The following SCRN3 variants were observed in gnomAD, a reference collection of about 807,000 sequenced individuals.
The protein encoded by SCRN3 is secernin 3, also known as secernin-3.
Under a neutral mutation model 43.1 loss-of-function variants are expected in SCRN3, and 39 were observed. The observed-to-expected ratio is 0.91, with a 90% confidence interval of 0.70 to 1.18. SCRN3 has a LOEUF of 1.18. Ranked by LOEUF, SCRN3 falls within the 50% of genes most tolerant of loss-of-function variation. SCRN3 has a pLI of 0.00. For synonymous variants in SCRN3, 147 were observed against 163.1 expected, an observed-to-expected ratio of 0.90 and a Z score of 0.75; for missense variants, 484 against 498.0, an observed-to-expected ratio of 0.97 and a Z score of 0.27.
chr2:174,426,855 CAG>C (rs1686501071), intron 7 of SCRN3, among the ~76,000 whole-genome samples: 1 of 151,968 alleles, frequency 6.6e-6, no homozygotes, highest in African/African-American at 2.4e-5. Context: ...TATTTTGAGA[CAG>C]AGTCTCACTC....
chr2:174,396,272 G>C, intron 1 of SCRN3: 6 of 992,148 alleles, frequency 6.0e-6, no homozygotes, highest in Non-Finnish European at 7.2e-6. Flanking sequence ...CTTATTGAAT[G>C]ACGAATACGC....
intron 7 of SCRN3, 37 bp from the exon 8 acceptor site, chr2:174,427,676 T>C: frequency 1.5e-6 from 2 of 1,339,242 alleles, no homozygotes; most frequent in South Asian, 1.4e-5. Context: ...TATGTGTATA[T>C]GTATATGTGT....
rs571563885 is a variant in SCRN3, at chr2:174,428,223, G to T, written c.*328G>T. On this transcript the variant is annotated 3_prime_UTR_variant, in exon 8 of 8. Transcript: ENST00000272732. ...ATAAAGAGTGAAACATTAAAATGAC[G>T]CATGGATTTATATTTATTATAATTA... 2 of 160,598 alleles carry T rather than the reference G, an allele frequency of 1.2e-5. No homozygotes were observed. The highest frequency in any genetic ancestry group is 1.7e-4 in the East Asian group (1 of 5,756). The allele number at this position is 160,598 out of a possible 1,614,324, so 9.9% of individuals were successfully genotyped here.
rs41270195 is a variant in SCRN3, at chr2:174,424,531, G to T, written c.974G>T (p.Ser325Ile). 0.039 allele frequency: 63,096 copies of T among 1,612,810 alleles called. 1,429 individuals carry two copies. Among genetic ancestry groups the T allele is most frequent in the Non-Finnish European group, 0.047 (55,302 of 1,179,154 alleles). ...CATATTTCACAACTATTGGATACCAGTTCACCAACATTTGAACTTGAAGAT... is the reference window on the plus strand; with the variant it reads ...CATATTTCACAACTATTGGATACCATTTCACCAACATTTGAACTTGAAGAT... ...VPHISQLLDT[S>I]SPTFELEDLV... Residue 325 changes from serine (S) to isoleucine (I), a missense_variant, in exon 7 of 8, where the codon AGT becomes ATT. Physicochemically the swap from Ser to Ile is moderately radical, Grantham distance 142. Coordinates refer to ENST00000272732, the MANE Select transcript of SCRN3 (RefSeq NM_024583.5).
intron 5 of SCRN3, 62 bp from the exon 6 acceptor site, chr2:174,422,823 C>A: frequency 9.7e-7 from 1 of 1,026,326 alleles, no homozygotes; most frequent in Non-Finnish European, 1.4e-6. Context: ...GAAAGCAGTT[C>A]ATATTTGCAA....
At chr2:174,406,449 T>C (rs1685696837) in intron 5 of SCRN3, among the ~76,000 whole-genome samples, 1 of 138,478 alleles carries the variant, frequency 7.2e-6, no homozygotes, top group Admixed American at 7.2e-5. Flanking sequence ...ATACCCTTTA[T>C]TTCCTTCTCC....
At chr2:174,406,723 G>C (rs1306559072) in intron 5 of SCRN3, among the ~76,000 whole-genome samples, 2 of 137,434 alleles carry the variant, frequency 1.5e-5, no homozygotes, top group African/African-American at 2.5e-5. Flanking sequence ...TAATCATGTG[G>C]TTTTTGTCTT....
chr2:174,397,955 A>G (rs764174340), intron 1 of SCRN3, among the ~76,000 whole-genome samples: 4 of 152,116 alleles, frequency 2.6e-5, no homozygotes, highest in Non-Finnish European at 5.9e-5. Context: ...AGGCTGTAGT[A>G]TACAAAATTT....
In SCRN3 at chr2:174,406,744, T is replaced by C. The variant is rs945659705; in HGVS notation, c.754+2429T>C. Among the ~76,000 whole-genome samples, 46 of 136,188 alleles carry C rather than the reference T, an allele frequency of 3.4e-4. 3 individuals carry two copies. The highest frequency in any genetic ancestry group is 5.8e-4 in the Non-Finnish European group (35 of 59,904). The allele number at this position is 136,188 out of a possible 152,430, so 89.3% of individuals were successfully genotyped here. On this transcript the variant is annotated intron_variant, in intron 5 of 7. Coordinates refer to ENST00000272732, the MANE Select transcript of SCRN3 (RefSeq NM_024583.5). ...TGTGGTTTTTGTCTTTGGCTCTGTT[T>C]ATATGCTGGATTACATTTATTGATT... is the stretch of plus-strand genomic sequence containing the variant.
At chr2:174,420,840 C>T (rs1686269015) in intron 5 of SCRN3, among the ~76,000 whole-genome samples, 1 of 152,128 alleles carries the variant, frequency 6.6e-6, no homozygotes, top group East Asian at 1.9e-4. Context: ...GAAAAGGTCT[C>T]ACATACATAA....
chr2:174,412,605 G>T (rs1334152106), intron 5 of SCRN3, among the ~76,000 whole-genome samples: 1 of 152,220 alleles, frequency 6.6e-6, no homozygotes, highest in African/African-American at 2.4e-5. Flanking sequence ...GATGTGGGAA[G>T]CAGTTGGGCA....
intron 5 of SCRN3, among the ~76,000 whole-genome samples, chr2:174,411,973 A>G (rs1685934330): frequency 6.6e-6 from 1 of 152,184 alleles, no homozygotes; most frequent in Non-Finnish European, 1.5e-5. Flanking sequence ...GTTCATTAAC[A>G]TTTAATGGAA....
At chr2:174,402,137 G>A (rs960271937) in intron 4 of SCRN3, among the ~76,000 whole-genome samples, 3 of 152,082 alleles carry the variant, frequency 2.0e-5, no homozygotes. Context: ...ATATAACATT[G>A]TAGTTAGACT....
intron 5 of SCRN3, among the ~76,000 whole-genome samples, chr2:174,420,239 G>C (rs1235374911): frequency 6.6e-6 from 1 of 152,108 alleles, no homozygotes; most frequent in Non-Finnish European, 1.5e-5. Context: ...CCGAGAAGAA[G>C]GTACCTGGGA....
At chr2:174,396,929 A>AT (rs559597036) in intron 1 of SCRN3, 100 of 224,810 alleles carry the variant, frequency 4.4e-4, no homozygotes, top group East Asian at 3.3e-3. Flanking sequence ...GTGTTGCCTT[A>AT]TTAAGTTCTC....
intron 3 of SCRN3, 70 bp from the exon 4 acceptor site, chr2:174,400,920 G>A (rs972751658): frequency 4.0e-6 from 5 of 1,260,610 alleles, no homozygotes; most frequent in Non-Finnish European, 5.4e-6. Flanking sequence ...AAAATCTCAT[G>A]AGCATGAAAT....
intron 7 of SCRN3, among the ~76,000 whole-genome samples, chr2:174,426,543 G>A (rs537919241): frequency 2.8e-4 from 42 of 152,068 alleles, no homozygotes; most frequent in Non-Finnish European, 5.0e-4. Flanking sequence ...AGGCCAAGGC[G>A]GGTAGATCAA....
intron 6 of SCRN3, among the ~76,000 whole-genome samples, chr2:174,424,194 T>C (rs940865687): frequency 1.3e-5 from 2 of 152,140 alleles, no homozygotes; most frequent in African/African-American, 4.8e-5. Flanking sequence ...GAATGTGAAG[T>C]AGGAAAGACA....
At chr2:174,400,650 G>C (rs1158900609) in intron 3 of SCRN3, among the ~76,000 whole-genome samples, 1 of 152,088 alleles carries the variant, frequency 6.6e-6, no homozygotes, top group Non-Finnish European at 1.5e-5. Context: ...TAATTCATTG[G>C]AAGTACCTAA....
Sources: allele counts gnomAD v4.1 joint callset (sites outside exome capture counted in the v4.1 genomes callset), GRCh38; gene constraint gnomAD v4.1.1; transcripts MANE v1.5; gene names NCBI Gene and HGNC (gene_info 2026-07-23, HGNC 2026-07-21).